NRXN2: variants seen among roughly 807,000 people sequenced by gnomAD.
NRXN2 encodes neurexin 2, also known as neurexin-2-beta.
In NRXN2, 29 loss-of-function variants were observed where a neutral mutation model predicts 128.8. That is an observed-to-expected ratio of 0.23 (90% CI 0.17 to 0.31). The LOEUF (loss-of-function observed/expected upper bound fraction) is 0.31, where lower values mean the gene tolerates loss of function less well. Ranked by LOEUF, NRXN2 falls within the 10% of genes least tolerant of loss-of-function variation. The probability of loss-of-function intolerance (pLI) is 1.00; values close to 1 mark genes in which losing one functional copy is unlikely to be tolerated. For missense variants in NRXN2, 1,881 were observed against 2,452.6 expected (o/e 0.77, Z 4.92); for synonymous variants, 1,098 against 1,075.2 (o/e 1.02, Z -0.41).
intron 9 of NRXN2, among the ~76,000 whole-genome samples, chr11:64,664,045 G>A (rs980580545): frequency 6.6e-6 from 1 of 152,226 alleles, no homozygotes; most frequent in Admixed American, 6.5e-5. Flanking sequence ...AGAGGAGAGG[G>A]AATAGGGAGT....
At chr11:64,613,720 G>C (rs1441608873) in intron 22 of NRXN2, among the ~76,000 whole-genome samples, 1 of 152,220 alleles carries the variant, frequency 6.6e-6, no homozygotes, top group Non-Finnish European at 1.5e-5. Context: ...GAGATCCGGG[G>C]CTTATCTGTT....
At chr11:64,665,238 G>T (rs1229686280) in intron 9 of NRXN2, among the ~76,000 whole-genome samples, 1 of 150,850 alleles carries the variant, frequency 6.6e-6, no homozygotes, top group Non-Finnish European at 1.5e-5. Flanking sequence ...CCGAGATCGC[G>T]CCACTGCACT....
At chr11:64,700,869 G>T (rs2055248413) in intron 2 of NRXN2, among the ~76,000 whole-genome samples, 1 of 151,980 alleles carries the variant, frequency 6.6e-6, no homozygotes, top group African/African-American at 2.4e-5. Flanking sequence ...ATATGTCTAG[G>T]GTGGGCCTCA....
intron 1 of NRXN2, among the ~76,000 whole-genome samples, chr11:64,716,891 C>A (rs185478508): frequency 1.9e-4 from 29 of 152,142 alleles, no homozygotes; most frequent in Non-Finnish European, 4.0e-4. Flanking sequence ...TCCATTCCCC[C>A]GCCCAGTGTC....
rs1468325473 is a variant in NRXN2, at chr11:64,619,151, A to G, written c.4252+1143T>C. On this transcript the variant is annotated intron_variant, in intron 22 of 22. Coordinates refer to ENST00000265459, the MANE Select transcript of NRXN2 (RefSeq NM_015080.4). ...CATAATCTCCCCCAACCCCGCAAGC[A>G]CCGGCCCCAACCTCCAGCCTTCTGG... is the stretch of plus-strand genomic sequence containing the variant. 2.0e-5 allele frequency among the ~76,000 whole-genome samples: 3 copies of G among 152,090 alleles called. No homozygotes were observed. The East Asian group carries it at 5.8e-4, about 30-fold the overall frequency.
chr11:64,668,482 G>T lies in NRXN2; in HGVS notation c.1320C>A (p.Gly440=). 1 of 1,614,114 alleles carries T rather than the reference G, an allele frequency of 6.2e-7. No individual in the cohort carries two copies. The highest frequency in any genetic ancestry group is 8.5e-7 in the Non-Finnish European group (1 of 1,180,036). ...GGSPNTADLP[G]SPVSNNFMGC... is the part of the protein sequence containing the mutation. ...CCATGAAGTTGTTGCTGACGGGCGA[G>T]CCCGGCAGGTCAGCTGTGTTGGGGC... Residue 440 remains glycine, a synonymous_variant, in exon 8 of 23, where the codon GGC becomes GGA. Coordinates refer to ENST00000265459, the MANE Select transcript of NRXN2 (RefSeq NM_015080.4).
At chr11:64,661,642 CT>C (rs1279997609) in intron 9 of NRXN2, among the ~76,000 whole-genome samples, 1 of 152,206 alleles carries the variant, frequency 6.6e-6, no homozygotes, top group Admixed American at 6.5e-5. Flanking sequence ...GCACCTAGCA[CT>C]TTAAATATAT....
intron 22 of NRXN2, among the ~76,000 whole-genome samples, chr11:64,611,363 A>G (rs1246198986): frequency 6.6e-6 from 1 of 151,860 alleles, no homozygotes; most frequent in Non-Finnish European, 1.5e-5. Flanking sequence ...ACCACCTTCC[A>G]TCTTAGACTG....
At chr11:64,708,094 G>A (rs538214241) in intron 2 of NRXN2, among the ~76,000 whole-genome samples, 175 of 145,920 alleles carry the variant, frequency 1.2e-3, no homozygotes, top group Non-Finnish European at 1.8e-3. Context: ...GCGAAACTCC[G>A]TCTCAAAAAA....
intron 6 of NRXN2, among the ~76,000 whole-genome samples, chr11:64,682,957 A>G (rs937605117): frequency 2.0e-5 from 3 of 152,142 alleles, no homozygotes; most frequent in Non-Finnish European, 2.9e-5. Context: ...ATAATTACCA[A>G]GTCCAAGGGA....
At chr11:64,646,490 C>G (rs1016858282) in intron 17 of NRXN2, 1 of 152,290 alleles carries the variant, frequency 6.6e-6, no homozygotes, top group South Asian at 2.1e-4. Flanking sequence ...ACCCCTCCCC[C>G]GAGGACTAAA....
At chr11:64,626,989 G>A (rs938190296) in intron 19 of NRXN2, among the ~76,000 whole-genome samples, 1 of 152,162 alleles carries the variant, frequency 6.6e-6, no homozygotes, top group African/African-American at 2.4e-5. Context: ...GCGTTTAGAG[G>A]GCGGTTTAGA....
Position 64,685,859 on chromosome 11 carries a change from C to G in NRXN2, c.939G>C (p.Glu313Asp). ...SHNPIQSSTD[E>D]ITLAFRTLQR... ...GCAGGGTGCGGAAGGCCAGTGTGAT[C>G]TCATCAGTGCTGCTCTGGATGGGGT... is the stretch of plus-strand genomic sequence containing the variant. The change falls in exon 6 of 23, where the codon GAG (glutamate) becomes GAC (aspartate). Residue 313 changes from glutamate (E) to aspartate (D), a missense_variant. Physicochemically the swap from Glu to Asp is conservative, Grantham distance 45. Coordinates refer to ENST00000265459, the MANE Select transcript of NRXN2 (RefSeq NM_015080.4). 1 of 1,614,226 alleles carries G rather than the reference C, an allele frequency of 6.2e-7. No homozygotes were observed. The highest frequency in any genetic ancestry group is 1.1e-5 in the South Asian group (1 of 91,086).
At chr11:64,629,494 C>T (rs947518998) in intron 19 of NRXN2, among the ~76,000 whole-genome samples, 2 of 152,116 alleles carry the variant, frequency 1.3e-5, no homozygotes, top group African/African-American at 4.8e-5. Context: ...CATTGCTTCC[C>T]CTCTGGTTTC....
At chr11:64,608,374 G>T (rs942305418) in intron 22 of NRXN2, among the ~76,000 whole-genome samples, 1 of 149,296 alleles carries the variant, frequency 6.7e-6, no homozygotes. Context: ...AAATTGAAAA[G>T]AAACAGAAAA....
chr11:64,688,886 G>A, intron 5 of NRXN2: 1 of 841,268 alleles, frequency 1.2e-6, no homozygotes, highest in Non-Finnish European at 1.4e-6. Context: ...CCCTACTCTC[G>A]AGCTCTACAG....
Position 64,713,489 on chromosome 11 carries a change from C to A in NRXN2, c.211G>T (p.Asp71Tyr). 1 of 1,532,588 alleles carries A rather than the reference C, an allele frequency of 6.5e-7. No homozygotes were observed. Among genetic ancestry groups the A allele is most frequent in the Non-Finnish European group, 8.7e-7 (1 of 1,149,282 alleles). 94.9% of individuals were successfully genotyped at this position (1,532,588 alleles called of 1,614,324 possible). A position where few individuals can be genotyped will look rare whatever the true frequency, so the allele number is the denominator to read the frequency against. Residue 71 changes from aspartate to tyrosine, a missense_variant, in exon 2 of 23, where the codon GAC becomes TAC. By Grantham distance (160) the Asp-to-Tyr change is radical. Transcript: ENST00000265459. ...ATRALLLYLDDGGDCDFLELL... is the reference protein window; with the variant it reads ...ATRALLLYLDYGGDCDFLELL... Reference sequence around the variant, plus strand: ...TCCAGGAAGTCGCAGTCGCCGCCGTCGTCCAGGTAGAGCAGCAGCGCGCGC... The same window carrying A: ...TCCAGGAAGTCGCAGTCGCCGCCGTAGTCCAGGTAGAGCAGCAGCGCGCGC...
chr11:64,630,272 GTAGCCCCGCCCCAGAGCCGCT>G lies in NRXN2; in HGVS notation c.3757+109_3757+129del, dbSNP rs1221525031. 470 of 851,090 alleles carry G rather than the reference GTAGCCCCGCCCCAGAGCCGCT, an allele frequency of 5.5e-4. 2 individuals carry two copies. The highest frequency in any genetic ancestry group is 2.9e-3 in the Middle Eastern group (8 of 2,754). 52.7% of individuals were successfully genotyped at this position (851,090 alleles called of 1,614,324 possible). ...CCGCCTCGCAAGCTTCGTCTCTCCAGTAGCCCCGCCCCAGAGCCGCTTAGCCCCGCCCCAGAGCCGCTTAGC... is the reference window on the plus strand; with the variant it reads ...CCGCCTCGCAAGCTTCGTCTCTCCAGTAGCCCCGCCCCAGAGCCGCTTAGC... On this transcript the variant is annotated intron_variant, in intron 19 of 22. Coordinates refer to ENST00000265459, the MANE Select transcript of NRXN2 (RefSeq NM_015080.4). The surrounding 1 kb of genome is among the most constrained non-coding windows in gnomAD (Gnocchi z 4.6).
intron 4 of NRXN2, among the ~76,000 whole-genome samples, chr11:64,692,548 C>T (rs931072936): frequency 6.6e-6 from 1 of 152,162 alleles, no homozygotes; most frequent in Non-Finnish European, 1.5e-5. Flanking sequence ...CTGGAGACAA[C>T]GGCAGGAGTT....
Sources: allele counts gnomAD v4.1 joint callset (sites outside exome capture counted in the v4.1 genomes callset), GRCh38; gene constraint gnomAD v4.1.1; non-coding constraint Gnocchi (gnomAD v3.1); transcripts MANE v1.5; gene names NCBI Gene and HGNC (gene_info 2026-07-23, HGNC 2026-07-21).